Variants in HDX observed in about 807,000 individuals in gnomAD.
The protein encoded by HDX is highly divergent homeobox.
Under a neutral mutation model 45.2 loss-of-function variants are expected in HDX, and 19 were observed. That is an observed-to-expected ratio of 0.42 (90% CI 0.29 to 0.62). HDX has a LOEUF of 0.62. Ranked by LOEUF, HDX falls within the 20% of genes least tolerant of loss-of-function variation. HDX has a pLI of 0.20. For synonymous variants in HDX, 188 were observed against 172.8 expected, an observed-to-expected ratio of 1.09 and a Z score of -0.69; for missense variants, 532 against 493.9, an observed-to-expected ratio of 1.08 and a Z score of -0.73.
intron 4 of HDX, among the ~76,000 whole-genome samples, chrX:84,454,870 A>G (rs1160802663): frequency 9.0e-6 from 1 of 110,965 alleles, no homozygotes. Context: ...GGCTCAGCAC[A>G]CAGAGAGACT....
At chrX:84,401,451 A>C (rs2038703934) in intron 5 of HDX, among the ~76,000 whole-genome samples, 1 of 112,445 alleles carries the variant, frequency 8.9e-6, no homozygotes, top group Admixed American at 9.4e-5. Context: ...AAGAAACATG[A>C]AAAAAAGCTC....
intron 1 of HDX, among the ~76,000 whole-genome samples, chrX:84,489,037 G>T (rs1182675930): frequency 9.0e-6 from 1 of 110,973 alleles, no homozygotes; most frequent in African/African-American, 3.3e-5. Flanking sequence ...TTCTAATCTG[G>T]TAAAAGACCA....
chrX:84,470,479 A>G (rs921000806), intron 3 of HDX, among the ~76,000 whole-genome samples: 3 of 111,809 alleles, frequency 2.7e-5, no homozygotes, highest in African/African-American at 9.7e-5. Context: ...TTTGTATGCA[A>G]GAGTAATTTT....
chrX:84,449,047 A>T (rs1233918418), intron 4 of HDX, among the ~76,000 whole-genome samples: 1 of 108,339 alleles, frequency 9.2e-6, no homozygotes. Flanking sequence ...TCAACAATAG[A>T]TCACACCAAG....
At chrX:84,494,540 G>T (rs1298459892) in intron 1 of HDX, among the ~76,000 whole-genome samples, 2 of 112,055 alleles carry the variant, frequency 1.8e-5, no homozygotes, top group Non-Finnish European at 3.8e-5. Context: ...AGGGGAAAAA[G>T]ATTTAGTCAC....
At chrX:84,411,263 T>C (rs2038980147) in intron 5 of HDX, among the ~76,000 whole-genome samples, 1 of 111,605 alleles carries the variant, frequency 9.0e-6, no homozygotes, top group African/African-American at 3.3e-5. Context: ...GGTCATTAAT[T>C]TGAGATCTTT....
chrX:84,401,415 T>C (rs2038702929), intron 5 of HDX, among the ~76,000 whole-genome samples: 1 of 111,625 alleles, frequency 9.0e-6, no homozygotes, highest in African/African-American at 3.3e-5. Flanking sequence ...AACAAACACT[T>C]CTCAAAAGAA....
At chrX:84,459,308 G>T (rs1015097864) in intron 4 of HDX, among the ~76,000 whole-genome samples, 2 of 110,209 alleles carry the variant, frequency 1.8e-5, no homozygotes, top group African/African-American at 6.6e-5. Flanking sequence ...CGGGCGTGGT[G>T]GCGGGCGCCT....
intron 5 of HDX, among the ~76,000 whole-genome samples, chrX:84,401,119 A>G (rs2038694302): frequency 8.9e-6 from 1 of 112,219 alleles, no homozygotes; most frequent in Non-Finnish European, 1.9e-5. Context: ...AACCTAGTCA[A>G]TGCCATTCAA....
At chrX:84,407,577 A>C (rs1023523265) in intron 5 of HDX, among the ~76,000 whole-genome samples, 2 of 111,611 alleles carry the variant, frequency 1.8e-5, no homozygotes, top group African/African-American at 6.5e-5. Context: ...TTCATACTCA[A>C]TAATGAGGTT....
intron 3 of HDX, among the ~76,000 whole-genome samples, chrX:84,475,005 T>C (rs1048206385): frequency 8.9e-6 from 1 of 111,845 alleles, no homozygotes; most frequent in Non-Finnish European, 1.9e-5. Flanking sequence ...ATTTATTAGT[T>C]TAAAAAGCTA....
At chrX:84,366,189 A>G (rs1207175179) in intron 5 of HDX, among the ~76,000 whole-genome samples, 1 of 111,767 alleles carries the variant, frequency 8.9e-6, no homozygotes, top group Non-Finnish European at 1.9e-5. Context: ...TACACCAATA[A>G]TAGACAAACA....
intron 6 of HDX, among the ~76,000 whole-genome samples, chrX:84,359,058 C>CT (rs199929701): frequency 6.0e-4 from 65 of 109,201 alleles, no homozygotes; most frequent in African/African-American, 1.6e-3. Flanking sequence ...TTAATTAAGG[C>CT]TTTTTTTTTC....
chrX:84,384,023 T>A (rs941352438), intron 5 of HDX, among the ~76,000 whole-genome samples: 5 of 111,295 alleles, frequency 4.5e-5, no homozygotes, highest in African/African-American at 1.6e-4. Flanking sequence ...GAAGCATATG[T>A]CTTCTCGGTA....
intron 5 of HDX, among the ~76,000 whole-genome samples, chrX:84,425,664 A>G (rs775235760): frequency 1.8e-5 from 2 of 111,833 alleles, no homozygotes; most frequent in South Asian, 7.4e-4. Context: ...AACAACATGG[A>G]TGGAACTGGA....
chrX:84,372,762 C>T (rs950191204), intron 5 of HDX, among the ~76,000 whole-genome samples: 43 of 111,538 alleles, frequency 3.9e-4, no homozygotes, highest in African/African-American at 1.3e-3. Flanking sequence ...AATGGGAAAG[C>T]TTCTGCAATG....
At chrX:84,349,409 G>A (rs1257849118) in intron 6 of HDX, among the ~76,000 whole-genome samples, 5 of 79,692 alleles carry the variant, frequency 6.3e-5, no homozygotes, top group Non-Finnish European at 7.1e-5. Flanking sequence ...ATATATGTGT[G>A]TGTGTGTGTG....
intron 2 of HDX, 128 bp from the exon 3 acceptor site, chrX:84,475,525 C>T: frequency 2.4e-6 from 1 of 411,935 alleles, no homozygotes; most frequent in East Asian, 4.3e-5. Flanking sequence ...AATTAATCCC[C>T]AGTAGTGGGC....
At chrX:84,442,394 G>A (rs1198959854) in intron 4 of HDX, among the ~76,000 whole-genome samples, 2 of 110,692 alleles carry the variant, frequency 1.8e-5, no homozygotes, top group East Asian at 5.6e-4. Flanking sequence ...TTTACTTTGA[G>A]TTACAAGTAT....
Sources: allele counts gnomAD v4.1 joint callset (sites outside exome capture counted in the v4.1 genomes callset), GRCh38; gene constraint gnomAD v4.1.1; transcripts MANE v1.5; gene names NCBI Gene and HGNC (gene_info 2026-07-23, HGNC 2026-07-21).